Variants in GUCY1A2 observed in about 807,000 individuals in gnomAD.
GUCY1A2 encodes guanylate cyclase 1 soluble subunit alpha 2, also known as guanylate cyclase soluble subunit alpha-2.
Under a neutral mutation model 63.5 loss-of-function variants are expected in GUCY1A2, and 27 were observed. The ratio of observed to expected loss-of-function variants is 0.43; its 90% confidence interval spans 0.31 to 0.59. GUCY1A2 has a LOEUF of 0.59. Among genes scored for constraint, GUCY1A2 ranks in the 20% least tolerant of loss-of-function variants. The pLI is 0.11. For synonymous variants in GUCY1A2, 364 were observed against 343.5 expected, an observed-to-expected ratio of 1.06 and a Z score of -0.66; for missense variants, 768 against 913.3, an observed-to-expected ratio of 0.84 and a Z score of 2.05.
Position 106,682,801 on chromosome 11 carries a change from T to C in GUCY1A2, c.*4748A>G, listed in dbSNP as rs1395979192. The C allele has an allele frequency of 4.7e-6, 1 of 212,118 alleles. No homozygotes were observed. The highest frequency in any genetic ancestry group is 9.5e-6 in the Non-Finnish European group (1 of 104,716). The allele number at this position is 212,118 out of a possible 1,614,324, so 13.1% of individuals were successfully genotyped here. On this transcript the variant is annotated 3_prime_UTR_variant, in exon 8 of 8. Transcript: ENST00000526355. ...GTTATAAATGTATCAGTGACCTTTT[T>C]TAATTAAAGGAAAGAAGGAACAAAG...
intron 6 of GUCY1A2, among the ~76,000 whole-genome samples, chr11:106,766,808 G>A (rs1864172167): frequency 6.6e-6 from 1 of 151,976 alleles, no homozygotes; most frequent in African/African-American, 2.4e-5. Context: ...AGAGACTGAA[G>A]TGTCAGTAAA....
At chr11:106,888,499 C>A (rs1859930431) in intron 4 of GUCY1A2, among the ~76,000 whole-genome samples, 1 of 151,986 alleles carries the variant, frequency 6.6e-6, no homozygotes, top group Non-Finnish European at 1.5e-5. Flanking sequence ...TTTGAATGAG[C>A]AAGCTATTTA....
chr11:106,700,928 A>T (rs1352972433), intron 7 of GUCY1A2, among the ~76,000 whole-genome samples: 1 of 152,158 alleles, frequency 6.6e-6, no homozygotes, highest in Non-Finnish European at 1.5e-5. Context: ...TCATCCTTGT[A>T]TAATAATTAT....
chr11:106,741,564 C>G (rs1368098052), intron 6 of GUCY1A2, among the ~76,000 whole-genome samples: 1 of 152,064 alleles, frequency 6.6e-6, no homozygotes, highest in Non-Finnish European at 1.5e-5. Flanking sequence ...ACATTAGACA[C>G]CAATAAATTA....
intron 4 of GUCY1A2, among the ~76,000 whole-genome samples, chr11:106,913,802 AT>A (rs1860328288): frequency 6.6e-6 from 1 of 152,076 alleles, no homozygotes; most frequent in Non-Finnish European, 1.5e-5. Context: ...ATTATTCTTA[AT>A]TAAATGCCAA....
Position 106,889,372 on chromosome 11 carries a change from A to C in GUCY1A2, c.1206+50088T>G, listed in dbSNP as rs187519587. Among the ~76,000 whole-genome samples the C allele has an allele frequency of 2.1e-4, 32 of 152,296 alleles. No homozygotes were observed. The East Asian group carries it at 5.2e-3, about 25-fold the overall frequency. Reference sequence around the variant, plus strand: ...AAAGTCAAATGACAGAAAATAAATGACCACATAACAGAGTCTCATAAACTT... The same window carrying C: ...AAAGTCAAATGACAGAAAATAAATGCCCACATAACAGAGTCTCATAAACTT... On this transcript the variant is annotated intron_variant, in intron 4 of 7. Coordinates refer to ENST00000526355, the MANE Select transcript of GUCY1A2 (RefSeq NM_000855.3).
chr11:106,774,679 A>T (rs369541112), intron 6 of GUCY1A2, among the ~76,000 whole-genome samples: 2 of 149,520 alleles, frequency 1.3e-5, no homozygotes, highest in East Asian at 3.9e-4. Flanking sequence ...ACATCTTTCC[A>T]CTCTCTCCGC....
chr11:106,769,015 CT>C (rs761529904), intron 6 of GUCY1A2, among the ~76,000 whole-genome samples: 7 of 152,130 alleles, frequency 4.6e-5, no homozygotes, highest in Non-Finnish European at 1.5e-5. Flanking sequence ...TTTAAATCCC[CT>C]GATCGCTAAC....
intron 6 of GUCY1A2, among the ~76,000 whole-genome samples, chr11:106,750,385 G>A (rs149908166): frequency 5.3e-5 from 8 of 152,070 alleles, no homozygotes; most frequent in African/African-American, 1.9e-4. Context: ...GTCTCCTCTG[G>A]CAATACCCTC....
chr11:106,979,496 G>T (rs1193846163), intron 2 of GUCY1A2, among the ~76,000 whole-genome samples: 2 of 150,988 alleles, frequency 1.3e-5, no homozygotes, highest in Non-Finnish European at 3.0e-5. Flanking sequence ...GCAGTATGGT[G>T]TATAAATAAC....
At chr11:106,861,358 C>CGTAGTCTGTTGTGT (rs1351127827) in intron 4 of GUCY1A2, among the ~76,000 whole-genome samples, 35 of 152,128 alleles carry the variant, frequency 2.3e-4, no homozygotes, top group African/African-American at 8.4e-4. Flanking sequence ...TCTACATGCA[C>CGTAGTCTGTTGTGT]GTAGTCTGTT....
Position 106,746,704 on chromosome 11 carries a change from G to C in GUCY1A2, c.1836+29735C>G, listed in dbSNP as rs960850321. 9 of 935,770 alleles carry C rather than the reference G, an allele frequency of 9.6e-6. No individual in the cohort carries two copies. In the African/African-American group the frequency reaches 1.5e-4, roughly 15 times the overall value. 58.0% of individuals were successfully genotyped at this position (935,770 alleles called of 1,614,324 possible). ...GGGACAAAAATAAAAAATCAGTACT[G>C]TGACATTTTTTATTTGCATATACAT... is the stretch of plus-strand genomic sequence containing the variant. On this transcript the variant is annotated intron_variant, in intron 6 of 7. Transcript: ENST00000526355.
At chr11:106,725,412 TCCGCCCGCC>T in intron 6 of GUCY1A2, among the ~76,000 whole-genome samples, 1 of 149,970 alleles carries the variant, frequency 6.7e-6, no homozygotes, top group Non-Finnish European at 1.5e-5. Context: ...GACCTCGTGA[TCCGCCCGCC>T]TCGGCCTCCC....
rs190574623 is a variant in GUCY1A2, at chr11:106,946,983, C to T, written c.488-6805G>A. On this transcript the variant is annotated intron_variant, in intron 3 of 7. Transcript: ENST00000526355. ...CCTGTAATCCCAGCACTTTGGGAGGCCGAGGCGGGTGGATAATGAAGTCAG... is the reference window on the plus strand; with the variant it reads ...CCTGTAATCCCAGCACTTTGGGAGGTCGAGGCGGGTGGATAATGAAGTCAG... 1.9e-3 allele frequency among the ~76,000 whole-genome samples: 287 copies of T among 152,066 alleles called. 1 individual carries two copies. The highest frequency in any genetic ancestry group is 6.6e-3 in the African/African-American group (274 of 41,474).
In GUCY1A2 at chr11:106,686,886, T is replaced by A. The variant is rs1862535110; in HGVS notation, c.*663A>T. The stretch of plus-strand genomic sequence containing the variant: ...TATGTATTCTCAGTCGAAGCACTGA[T>A]CTCTCTAAATAAGGGAAACTATATT... On this transcript the variant is annotated 3_prime_UTR_variant, in exon 8 of 8. Transcript: ENST00000526355. 5.1e-6 allele frequency: 1 copy of A among 196,670 alleles called. No individual in the cohort carries two copies. The highest frequency in any genetic ancestry group is 2.3e-5 in the African/African-American group (1 of 43,360). The allele number at this position is 196,670 out of a possible 1,614,324, so 12.2% of individuals were successfully genotyped here.
intron 4 of GUCY1A2, among the ~76,000 whole-genome samples, chr11:106,939,107 A>C (rs1395090139): frequency 6.6e-6 from 1 of 152,232 alleles, no homozygotes; most frequent in Non-Finnish European, 1.5e-5. Context: ...GTCACGCCCC[A>C]CAATATTGAA....
At chr11:106,966,102 TTC>T (rs768605244) in intron 3 of GUCY1A2, among the ~76,000 whole-genome samples, 17 of 152,026 alleles carry the variant, frequency 1.1e-4, no homozygotes, top group Admixed American at 2.6e-4. Context: ...CTTATTTTTC[TTC>T]TCTTTTCTTT....
intron 6 of GUCY1A2, among the ~76,000 whole-genome samples, chr11:106,740,370 T>A (rs1202920727): frequency 1.3e-5 from 2 of 152,082 alleles, no homozygotes; most frequent in Non-Finnish European, 2.9e-5. Flanking sequence ...TAAGAAAAAC[T>A]GGTAAGAAGC....
chr11:106,787,305 A>G (rs1864573029), intron 5 of GUCY1A2, among the ~76,000 whole-genome samples: 1 of 150,952 alleles, frequency 6.6e-6, no homozygotes, highest in Non-Finnish European at 1.5e-5. Context: ...TGACCACCCT[A>G]CTACCATTCC....
Sources: allele counts gnomAD v4.1 joint callset (sites outside exome capture counted in the v4.1 genomes callset), GRCh38; gene constraint gnomAD v4.1.1; transcripts MANE v1.5; gene names NCBI Gene and HGNC (gene_info 2026-07-23, HGNC 2026-07-21).